HEATR4: variants seen among roughly 807,000 people sequenced by gnomAD.
HEATR4 encodes HEAT repeat containing 4, also known as HEAT repeat-containing protein 4.
A neutral mutation model predicts 108.8 loss-of-function variants in HEATR4; 95 were observed. That is an observed-to-expected ratio of 0.87 (90% CI 0.74 to 1.04). The LOEUF is 1.04. HEATR4 is among the 50% of genes least tolerant of loss of function. The pLI is 0.00. For synonymous variants in HEATR4, 443 were observed against 459.4 expected, an observed-to-expected ratio of 0.96 and a Z score of 0.46; for missense variants, 1,152 against 1,253.8, an observed-to-expected ratio of 0.92 and a Z score of 1.23.
rs1282151131 is a variant in HEATR4, at chr14:73,495,173, TG to T, written c.2785+54del. 3.3e-6 allele frequency: 5 copies of T among 1,513,788 alleles called. No individual in the cohort carries two copies. The East Asian group carries it at 1.1e-4, about 34-fold the overall frequency. The allele number at this position is 1,513,788 out of a possible 1,614,324, so 93.8% of individuals were successfully genotyped here. A position where few individuals can be genotyped will look rare whatever the true frequency, so the allele number is the denominator to read the frequency against. On this transcript the variant is annotated intron_variant, in intron 16 of 17. Coordinates refer to ENST00000553558, the MANE Select transcript of HEATR4 (RefSeq NM_001220484.1). ...ACTAAGTCCCAAAACATCCAGATCC[TG>T]GAAGAGGCTTATTAAAGGAATCAAG...
At position 73,522,919 on chromosome 14, in the gene HEATR4, C is replaced by T. The variant is rs181079587; in HGVS notation, c.234G>A (p.Val78=). 2 of 1,614,212 alleles carry T rather than the reference C, an allele frequency of 1.2e-6. No individual in the cohort carries two copies. Among genetic ancestry groups the T allele is most frequent in the African/African-American group, 1.3e-5 (1 of 75,048 alleles). Residue 78 remains valine (V), a synonymous_variant, in exon 3 of 18, where the codon GTG becomes GTA. Transcript: ENST00000553558. ...GAATGCTGGGCAGGCCTCGCTGCCA[C>T]ACCACCTCCTGAGAGAAGGTAAGGT... The part of the protein sequence containing the change: ...AANLTFSQEV[V]WQRGLPSIPY...
chr14:73,499,129 G>C lies in HEATR4; in HGVS notation c.2298C>G (p.Cys766Trp). ...GATCTCTCTGCATCAGGTTCAGGAG[G>C]CATTCAAGCACCTGGGATGGAAAAG... ...LQIRDKMVLE[C>W]LLNLMQRDPY... Residue 766 changes from cysteine (C) to tryptophan (W), a missense_variant, in exon 13 of 18, where the codon TGC becomes TGG. Transcript: ENST00000553558. The C allele has an allele frequency of 1.2e-6, 2 of 1,614,076 alleles. No individual in the cohort carries two copies. The highest frequency in any genetic ancestry group is 1.7e-6 in the Non-Finnish European group (2 of 1,179,930).
the HEATR4 span, among the ~76,000 whole-genome samples, chr14:73,580,012 C>G: frequency 6.6e-6 from 1 of 151,972 alleles, no homozygotes; most frequent in South Asian, 2.1e-4. Flanking sequence ...GTGGGTGAAT[C>G]GCTTGAACCT....
At chr14:73,622,544 A>T in the HEATR4 span, among the ~76,000 whole-genome samples, 1 of 151,654 alleles carries the variant, frequency 6.6e-6, no homozygotes, top group Admixed American at 6.6e-5. Flanking sequence ...CTGAGATTAT[A>T]GGCGCACCAC....
intron 17 of HEATR4, chr14:73,491,948 T>G (rs1595083475): frequency 6.2e-7 from 1 of 1,613,762 alleles, no homozygotes; most frequent in Non-Finnish European, 8.5e-7. Flanking sequence ...TGTGTGGCAG[T>G]TTTTGGCTGT....
At chr14:73,583,226 C>A in the HEATR4 span, among the ~76,000 whole-genome samples, 2 of 151,816 alleles carry the variant, frequency 1.3e-5, no homozygotes, top group African/African-American at 4.8e-5. Context: ...CCTGTAGTCC[C>A]ACCTACTTGG....
chr14:73,566,612 C>T, the HEATR4 span, among the ~76,000 whole-genome samples: 2 of 151,756 alleles, frequency 1.3e-5, no homozygotes, highest in African/African-American at 4.9e-5. Context: ...CTGGCAGGGC[C>T]AGCTGGCGGC....
intron 1 of HEATR4, chr14:73,541,369 G>T: frequency 1.2e-6 from 1 of 820,078 alleles, no homozygotes; most frequent in Non-Finnish European, 1.8e-6. Flanking sequence ...TTTCTCGTGG[G>T]TAGATACCTA....
the HEATR4 span, chr14:73,593,974 C>A: frequency 2.2e-6 from 3 of 1,380,402 alleles, no homozygotes; most frequent in African/African-American, 1.4e-5. Context: ...ACCTTTACCA[C>A]GTGCAGAAAT....
chr14:73,631,001 T>C, the HEATR4 span, among the ~76,000 whole-genome samples: 1 of 152,180 alleles, frequency 6.6e-6, no homozygotes, highest in Non-Finnish European at 1.5e-5. Flanking sequence ...GGTACTTACT[T>C]TTCAAAGAAA....
chr14:73,488,512 C>T (rs1235657025), intron 17 of HEATR4, among the ~76,000 whole-genome samples: 1 of 151,964 alleles, frequency 6.6e-6, no homozygotes. Context: ...CCTCATGATC[C>T]ACCCACCTTG....
the HEATR4 span, among the ~76,000 whole-genome samples, chr14:73,591,220 C>T: frequency 6.7e-6 from 1 of 149,000 alleles, no homozygotes; most frequent in Non-Finnish European, 1.5e-5. Context: ...GCCTTGCAGC[C>T]TGGATGACAG....
the HEATR4 span, among the ~76,000 whole-genome samples, chr14:73,621,761 C>CTT: frequency 0.013 from 1,379 of 109,444 alleles, 56 homozygotes; most frequent in African/African-American, 0.047. Context: ...TTCTTTCTTT[C>CTT]TTTTTTTTTT....
the HEATR4 span, among the ~76,000 whole-genome samples, chr14:73,568,327 G>C: frequency 6.6e-6 from 1 of 150,532 alleles, no homozygotes; most frequent in Non-Finnish European, 1.5e-5. Context: ...ACAAGGGCTT[G>C]GCAGGGGCCT....
the HEATR4 span, among the ~76,000 whole-genome samples, chr14:73,573,906 T>C: frequency 2.6e-5 from 4 of 152,086 alleles, no homozygotes; most frequent in African/African-American, 9.7e-5. Flanking sequence ...TTTGTATTTT[T>C]AGTGGAGGCG....
chr14:73,523,497 G>C (rs1311021251), intron 2 of HEATR4, among the ~76,000 whole-genome samples: 1 of 152,222 alleles, frequency 6.6e-6, no homozygotes, highest in African/African-American at 2.4e-5. Context: ...CATGCTTCCA[G>C]TTTGTCTTTA....
chr14:73,478,766 G>T lies in HEATR4; in HGVS notation c.2921C>A (p.Ser974Ter). 6.2e-7 allele frequency: 1 copy of T among 1,613,964 alleles called. No homozygotes were observed. The highest frequency in any genetic ancestry group is 8.5e-7 in the Non-Finnish European group (1 of 1,179,966). ...GGTGCGTAGATCTTTGACAAGTGAT[G>T]AACGAACTTTGCTTCGTGTGGTTAG... is the stretch of plus-strand genomic sequence containing the variant. ...PGLTTRSKVR[S>*]SLVKDLRTSP... Residue 974 changes from serine to a stop codon, truncating the protein, a stop_gained, in exon 18 of 18, where the codon TCA (serine) becomes TAA (stop). Coordinates refer to ENST00000553558, the MANE Select transcript of HEATR4 (RefSeq NM_001220484.1). LOFTEE classifies it high-confidence loss of function.
Position 73,512,068 on chromosome 14 carries a change from A to C in HEATR4, c.1496T>G (p.Ile499Ser), listed in dbSNP as rs145046095. ...DLHDDVRIKAITTCATAALER... is the reference protein window; with the variant it reads ...DLHDDVRIKASTTCATAALER... ...CAAAGCAGCTGTGGCACATGTGGTG[A>C]TAGCTTTGATCCGAACGTCATCATG... Residue 499 changes from isoleucine to serine, a missense_variant, in exon 7 of 18, where the codon ATC becomes AGC. Ile to Ser is a moderately radical substitution (Grantham distance 142). Coordinates refer to ENST00000553558, the MANE Select transcript of HEATR4 (RefSeq NM_001220484.1). The C allele has an allele frequency of 1.9e-3, 3,097 of 1,614,122 alleles. 80 individuals carry two copies. The Admixed American group carries it at 0.046, about 24-fold the overall frequency.
intron 2 of HEATR4, among the ~76,000 whole-genome samples, chr14:73,524,004 C>T (rs1360113872): frequency 6.6e-6 from 1 of 151,958 alleles, no homozygotes. Flanking sequence ...TATTTAATAG[C>T]TGTAGGCCGG....
Sources: allele counts gnomAD v4.1 joint callset (sites outside exome capture counted in the v4.1 genomes callset), GRCh38; gene constraint gnomAD v4.1.1; transcripts MANE v1.5; gene names NCBI Gene and HGNC (gene_info 2026-07-23, HGNC 2026-07-21).